STARD13: variants seen among roughly 807,000 people sequenced by gnomAD.
STARD13 encodes the protein StAR related lipid transfer domain containing 13.
A neutral mutation model predicts 106.4 loss-of-function variants in STARD13; 62 were observed. That is an observed-to-expected ratio of 0.58 (90% CI 0.48 to 0.72). The LOEUF is 0.72. STARD13 is among the 30% of genes least tolerant of loss of function. The pLI, the probability that STARD13 is intolerant of heterozygous loss-of-function variation, is 0.00. For synonymous variants in STARD13, 565 were observed against 553.0 expected (o/e 1.02, Z -0.31); for missense variants, 1,387 against 1,424.0 (o/e 0.97, Z 0.42).
chr13:33,260,727 T>C (rs996724371), intron 1 of STARD13, among the ~76,000 whole-genome samples: 1 of 152,210 alleles, frequency 6.6e-6, no homozygotes, highest in Non-Finnish European at 1.5e-5. Context: ...AACCAAAATT[T>C]ACCTTACCAA....
At chr13:33,533,311 C>A in the STARD13 span, among the ~76,000 whole-genome samples, 1 of 152,182 alleles carries the variant, frequency 6.6e-6, no homozygotes, top group African/African-American at 2.4e-5. Context: ...ACAGGCCTTT[C>A]TGCCCATAGC....
the STARD13 span, among the ~76,000 whole-genome samples, chr13:33,533,074 G>C: frequency 6.6e-6 from 1 of 152,214 alleles, no homozygotes; most frequent in Non-Finnish European, 1.5e-5. Context: ...TCCGAGAATT[G>C]TGTCACTGGA....
intron 1 of STARD13, among the ~76,000 whole-genome samples, chr13:33,217,503 T>C (rs1888111791): frequency 6.6e-6 from 1 of 152,208 alleles, no homozygotes; most frequent in African/African-American, 2.4e-5. Flanking sequence ...GTGGCTGCTG[T>C]GATGTCTGAC....
At chr13:33,445,579 T>C in the STARD13 span, among the ~76,000 whole-genome samples, 1 of 151,746 alleles carries the variant, frequency 6.6e-6, no homozygotes, top group African/African-American at 2.4e-5. Context: ...TTTGTTTGCG[T>C]GTTGCTACAA....
Position 33,126,315 on chromosome 13 carries a change from A to G in STARD13, c.1923-75T>C, listed in dbSNP as rs542795249. 1.9e-5 allele frequency: 27 copies of G among 1,450,392 alleles called. No individual in the cohort carries two copies. In the East Asian group the frequency reaches 5.9e-4, roughly 32 times the overall value. 89.8% of individuals were successfully genotyped at this position (1,450,392 alleles called of 1,614,324 possible). On this transcript the variant is annotated intron_variant, in intron 6 of 13. Transcript: ENST00000336934. ...GGGTGAGGCTCTGGAAGCAAGCATG[A>G]GGGAAGCCAGGCTTTTGTTGGAATA...
At chr13:33,486,160 A>G in the STARD13 span, among the ~76,000 whole-genome samples, 1 of 152,146 alleles carries the variant, frequency 6.6e-6, no homozygotes, top group African/African-American at 2.4e-5. Context: ...AGACTCCTGA[A>G]GTGTCCTCAA....
intron 7 of STARD13, among the ~76,000 whole-genome samples, chr13:33,124,674 A>C (rs984467833): frequency 6.6e-6 from 1 of 152,088 alleles, no homozygotes; most frequent in East Asian, 1.9e-4. Context: ...AGCTATGGAC[A>C]TTAACTTTGA....
At chr13:33,488,763 C>G in the STARD13 span, among the ~76,000 whole-genome samples, 1 of 152,212 alleles carries the variant, frequency 6.6e-6, no homozygotes. Context: ...CTTTCAAGTT[C>G]AAATACCAAC....
chr13:33,637,004 G>A, the STARD13 span, among the ~76,000 whole-genome samples: 1 of 152,192 alleles, frequency 6.6e-6, no homozygotes, highest in Non-Finnish European at 1.5e-5. Context: ...AATCTAGGTT[G>A]TGAGCAACAC....
chr13:33,579,269 T>C, the STARD13 span, among the ~76,000 whole-genome samples: 1 of 151,820 alleles, frequency 6.6e-6, no homozygotes, highest in African/African-American at 2.4e-5. Context: ...CATCAATCAG[T>C]GGATAAAGAA....
intron 1 of STARD13, among the ~76,000 whole-genome samples, chr13:33,327,841 G>A (rs573067641): frequency 4.6e-5 from 7 of 152,210 alleles, no homozygotes; most frequent in Non-Finnish European, 1.0e-4. Context: ...GGTCAAACCT[G>A]ATGAAAAGAA....
chr13:33,109,354 A>G lies in STARD13; in HGVS notation c.3047+519T>C, dbSNP rs930500042. On this transcript the variant is annotated intron_variant, in intron 12 of 13. Transcript: ENST00000336934. ...CAGAAGAAATATTTCCTTGGCAGACACAGAATCAACAAGATTTTCTGGACC... is the reference window on the plus strand; with the variant it reads ...CAGAAGAAATATTTCCTTGGCAGACGCAGAATCAACAAGATTTTCTGGACC... 3.9e-5 allele frequency among the ~76,000 whole-genome samples: 6 copies of G among 152,302 alleles called. No individual in the cohort carries two copies. The East Asian group carries it at 1.2e-3, about 29-fold the overall frequency.
At chr13:33,190,744 G>T (rs185717262) in intron 1 of STARD13, among the ~76,000 whole-genome samples, 1 of 151,922 alleles carries the variant, frequency 6.6e-6, no homozygotes, top group Admixed American at 6.6e-5. Flanking sequence ...ATACCACCAC[G>T]CCTGGCTAAT....
chr13:33,539,977 A>C, the STARD13 span, among the ~76,000 whole-genome samples: 1 of 152,222 alleles, frequency 6.6e-6, no homozygotes, highest in Non-Finnish European at 1.5e-5. Flanking sequence ...CTCAATTACA[A>C]ACAACTTAGT....
the STARD13 span, among the ~76,000 whole-genome samples, chr13:33,581,064 C>T: frequency 6.6e-6 from 1 of 152,074 alleles, no homozygotes; most frequent in Non-Finnish European, 1.5e-5. Flanking sequence ...ATGTCCTAAC[C>T]ACAAAGAGAA....
the STARD13 span, among the ~76,000 whole-genome samples, chr13:33,543,498 G>C: frequency 6.9e-6 from 1 of 144,496 alleles, no homozygotes; most frequent in Non-Finnish European, 1.5e-5. Flanking sequence ...TTTTTTTCCT[G>C]TAATCTTGGA....
Position 33,279,423 on chromosome 13 carries a change from G to A in STARD13, c.169+6047C>T, listed in dbSNP as rs574366209. 3 of 152,304 alleles carry A rather than the reference G, an allele frequency of 2.0e-5. No individual in the cohort carries two copies. The South Asian group carries it at 6.2e-4, about 32-fold the overall frequency. 9.4% of individuals were successfully genotyped at this position (152,304 alleles called of 1,614,324 possible). Reference sequence around the variant, plus strand: ...TGATGATTGGGGAAGGTGGGAGAGGGAAAGACATTTTAAAAAATGAATTTT... The same window carrying A: ...TGATGATTGGGGAAGGTGGGAGAGGAAAAGACATTTTAAAAAATGAATTTT... On this transcript the variant is annotated intron_variant, in intron 1 of 13. Coordinates refer to ENST00000336934, the MANE Select transcript of STARD13 (RefSeq NM_178006.4).
chr13:33,340,407 T>C (rs1237625022), intron 1 of STARD13, among the ~76,000 whole-genome samples: 2 of 150,422 alleles, frequency 1.3e-5, no homozygotes, highest in African/African-American at 4.9e-5. Context: ...TGTGTCTCCC[T>C]GTTTCCCAGT....
the STARD13 span, among the ~76,000 whole-genome samples, chr13:33,506,683 A>G: frequency 6.6e-6 from 1 of 152,206 alleles, no homozygotes; most frequent in East Asian, 1.9e-4. Flanking sequence ...GGCAAATTTG[A>G]CCAATGGATT....
Sources: gnomAD v4.1 joint callset for allele counts (sites outside exome capture counted in the v4.1 genomes callset) on GRCh38, gnomAD v4.1.1 for gene constraint, MANE v1.5 for transcripts, NCBI Gene and HGNC (gene_info 2026-07-23, HGNC 2026-07-21) for gene names.